MAGI1: variants seen among roughly 807,000 people sequenced by gnomAD.
MAGI1 encodes membrane-associated guanylate kinase, WW and PDZ domain-containing protein 1.
A neutral mutation model predicts 139.9 loss-of-function variants in MAGI1; 58 were observed. The ratio of observed to expected loss-of-function variants is 0.41; its 90% CI spans 0.34 to 0.52. The LOEUF is 0.52. MAGI1 is among the 20% of genes least tolerant of loss of function. The pLI, the probability that MAGI1 is intolerant of heterozygous loss-of-function variation, is 0.12. For synonymous variants in MAGI1, 812 were observed against 737.9 expected, an observed-to-expected ratio of 1.10 and a Z score of -1.63; for missense variants, 1,874 against 1,901.6, an observed-to-expected ratio of 0.99 and a Z score of 0.27.
chr3:65,765,512 A>G (rs2037395623), intron 1 of MAGI1, among the ~76,000 whole-genome samples: 1 of 152,218 alleles, frequency 6.6e-6, no homozygotes, highest in South Asian at 2.1e-4. Context: ...CATTGAAGTC[A>G]TTTATCCAAA....
chr3:65,744,584 AGAC>A (rs1393148155), intron 1 of MAGI1, among the ~76,000 whole-genome samples: 1 of 152,226 alleles, frequency 6.6e-6, no homozygotes, highest in Non-Finnish European at 1.5e-5. Context: ...TTAAGAAAGA[AGAC>A]TGAATTAAAG....
chr3:65,506,752 C>T (rs934805436), intron 2 of MAGI1, among the ~76,000 whole-genome samples: 3 of 152,094 alleles, frequency 2.0e-5, no homozygotes, highest in Non-Finnish European at 4.4e-5. Flanking sequence ...TTCACATAAT[C>T]AAAGCCTTCT....
chr3:65,712,600 C>T (rs1267830477), intron 1 of MAGI1, among the ~76,000 whole-genome samples: 2 of 152,088 alleles, frequency 1.3e-5, no homozygotes, highest in African/African-American at 2.4e-5. Flanking sequence ...ACAACCTCTG[C>T]CCCCAAGTTG....
At chr3:65,890,956 T>A (rs1310774221) in intron 1 of MAGI1, among the ~76,000 whole-genome samples, 1 of 152,170 alleles carries the variant, frequency 6.6e-6, no homozygotes, top group Non-Finnish European at 1.5e-5. Flanking sequence ...ACACCTCTAA[T>A]CCTAGCACTT....
chr3:65,937,718 C>T (rs1234210988), intron 1 of MAGI1, among the ~76,000 whole-genome samples: 1 of 151,606 alleles, frequency 6.6e-6, no homozygotes, highest in East Asian at 1.9e-4. Context: ...ACTTAATTAA[C>T]TTCTGACAAG....
chr3:65,488,510 TA>T (rs1284032567), intron 3 of MAGI1, among the ~76,000 whole-genome samples: 4 of 68,392 alleles, frequency 5.8e-5, no homozygotes, highest in Admixed American at 1.4e-4. Flanking sequence ...CTAATTTTTA[TA>T]TTTTTTTTTG....
intron 3 of MAGI1, among the ~76,000 whole-genome samples, chr3:65,486,411 C>A (rs753871312): frequency 7.2e-5 from 11 of 152,134 alleles, no homozygotes; most frequent in African/African-American, 2.4e-4. Flanking sequence ...CCCTTGTAAA[C>A]TCTCTCCTAG....
intron 1 of MAGI1, among the ~76,000 whole-genome samples, chr3:65,796,543 C>T (rs1188825019): frequency 3.3e-5 from 5 of 152,130 alleles, no homozygotes; most frequent in African/African-American, 4.8e-5. Flanking sequence ...GCTCCCACAG[C>T]GGTTGGTCTC....
At chr3:65,473,206 C>T (rs1950659209) in intron 4 of MAGI1, among the ~76,000 whole-genome samples, 1 of 152,094 alleles carries the variant, frequency 6.6e-6, no homozygotes, top group Non-Finnish European at 1.5e-5. Context: ...CAGACCTGTC[C>T]CCCAGCCTGC....
At chr3:65,639,888 G>C (rs1272268674) in intron 1 of MAGI1, among the ~76,000 whole-genome samples, 1 of 151,674 alleles carries the variant, frequency 6.6e-6, no homozygotes, top group Admixed American at 6.6e-5. Context: ...TGTAATCCCA[G>C]CTACTCAGGA....
At chr3:66,025,944 A>G (rs2068236068) in intron 1 of MAGI1, among the ~76,000 whole-genome samples, 1 of 152,224 alleles carries the variant, frequency 6.6e-6, no homozygotes, top group South Asian at 2.1e-4. Flanking sequence ...GATACTATTT[A>G]AGTTTTTAAA....
chr3:66,000,448 T>G (rs536095301), intron 1 of MAGI1, among the ~76,000 whole-genome samples: 5 of 151,052 alleles, frequency 3.3e-5, no homozygotes, highest in Non-Finnish European at 7.4e-5. Context: ...AAACGCAGGG[T>G]TTAAAAAAAA....
intron 1 of MAGI1, among the ~76,000 whole-genome samples, chr3:65,818,043 A>AGTGT (rs57082137): frequency 0.4 from 59,079 of 148,762 alleles, 12,295 homozygotes; most frequent in East Asian, 0.61. Flanking sequence ...TAAAATTATG[A>AGTGT]GTGTGTGTGT....
At chr3:65,789,208 T>C (rs897117584) in intron 1 of MAGI1, among the ~76,000 whole-genome samples, 7 of 151,888 alleles carry the variant, frequency 4.6e-5, no homozygotes, top group Non-Finnish European at 7.4e-5. Flanking sequence ...TGATAATAAA[T>C]AAATAATGAC....
Position 65,777,508 on chromosome 3 carries a change from T to C in MAGI1, c.314-155420A>G, listed in dbSNP as rs532505277. Among the ~76,000 whole-genome samples, 335 of 152,190 alleles carry C rather than the reference T, an allele frequency of 2.2e-3. 5 individuals are homozygous for C. The highest frequency in any genetic ancestry group is 2.5e-3 in the Non-Finnish European group (171 of 68,000). On this transcript the variant is annotated intron_variant, in intron 1 of 22. Coordinates refer to ENST00000402939, the MANE Select transcript of MAGI1 (RefSeq NM_001033057.2). Reference sequence around the variant, plus strand: ...CGTGCTCATGGCAAAGTGCGGTTGCTTACACCTGTAATTCCAGCACTTTGG... The same window carrying C: ...CGTGCTCATGGCAAAGTGCGGTTGCCTACACCTGTAATTCCAGCACTTTGG...
At chr3:65,972,821 T>C (rs1348258612) in intron 1 of MAGI1, among the ~76,000 whole-genome samples, 1 of 152,234 alleles carries the variant, frequency 6.6e-6, no homozygotes, top group Non-Finnish European at 1.5e-5. Context: ...TCTTATTTTA[T>C]ATATGGAAAA....
At position 65,356,900 on chromosome 3, in the gene MAGI1, G is replaced by A. The variant is rs200863149; in HGVS notation, c.3867C>T (p.Pro1289=). ...HHTWNGTSRK[P]DSGACRPKDR... Reference sequence around the variant, plus strand: ...CCTTGGGTCGGCATGCCCCGCTGTCGGGTTTCCTCGAAGTCCCATTCCAGG... The same window carrying A: ...CCTTGGGTCGGCATGCCCCGCTGTCAGGTTTCCTCGAAGTCCCATTCCAGG... Residue 1289 remains proline (P), a synonymous_variant, in exon 23 of 23, where the codon CCC becomes CCT. Coordinates refer to ENST00000402939, the MANE Select transcript of MAGI1 (RefSeq NM_001033057.2). 3.3e-5 allele frequency: 53 copies of A among 1,614,022 alleles called. No individual in the cohort carries two copies. Among genetic ancestry groups the A allele is most frequent in the Non-Finnish European group, 4.3e-5 (51 of 1,179,994 alleles).
At chr3:65,807,874 T>C (rs1181384156) in intron 1 of MAGI1, among the ~76,000 whole-genome samples, 2 of 152,084 alleles carry the variant, frequency 1.3e-5, no homozygotes, top group Admixed American at 1.3e-4. Flanking sequence ...AGCGATTGAG[T>C]AAATTATCCA....
intron 18 of MAGI1, among the ~76,000 whole-genome samples, chr3:65,371,655 T>C (rs1021907606): frequency 6.6e-6 from 1 of 152,232 alleles, no homozygotes; most frequent in African/African-American, 2.4e-5. Context: ...AGTAGAACTT[T>C]TTTTGAAATT....
Sources: allele counts gnomAD v4.1 joint callset (sites outside exome capture counted in the v4.1 genomes callset), GRCh38; gene constraint gnomAD v4.1.1; transcripts MANE v1.5; gene names NCBI Gene and HGNC (gene_info 2026-07-23, HGNC 2026-07-21).